NCAPD3: variants seen among roughly 807,000 people sequenced by gnomAD.
The protein encoded by NCAPD3 is non-SMC condensin II complex subunit D3.
NCAPD3 carries 105 observed loss-of-function variants against 182.9 expected under a neutral mutation model. The ratio of observed to expected loss-of-function variants is 0.57; its 90% CI spans 0.49 to 0.68. The LOEUF (loss-of-function observed/expected upper bound fraction) is 0.68. Among genes scored for constraint, NCAPD3 ranks in the 30% least tolerant of loss-of-function variants. The pLI, the probability that NCAPD3 is intolerant of heterozygous loss-of-function variation, is 0.00. For synonymous variants in NCAPD3, 815 were observed against 679.9 expected (o/e 1.20, Z -3.09); for missense variants, 1,944 against 1,837.0 (o/e 1.06, Z -1.07).
chr11:134,221,687 C>G (rs1938234077), intron 1 of NCAPD3, among the ~76,000 whole-genome samples: 1 of 152,186 alleles, frequency 6.6e-6, no homozygotes, highest in Non-Finnish European at 1.5e-5. Context: ...TTGTTCACCA[C>G]TGATTTAGAG....
chr11:134,184,848 C>CACACA (rs1944369620), intron 18 of NCAPD3, 55 bp downstream of exon 18: 4 of 1,341,938 alleles, frequency 3.0e-6, no homozygotes, highest in Non-Finnish European at 4.2e-6. Flanking sequence ...CACACACACA[C>CACACA]ACCTGAAATG....
intron 27 of NCAPD3, among the ~76,000 whole-genome samples, chr11:134,165,257 G>A (rs1384907233): frequency 1.3e-5 from 2 of 148,358 alleles, no homozygotes; most frequent in South Asian, 2.2e-4. Flanking sequence ...TGTGAGATAA[G>A]CTGAGGGGGA....
intron 3 of NCAPD3, 84 bp downstream of exon 3, chr11:134,216,852 A>C: frequency 7.1e-7 from 1 of 1,399,230 alleles, no homozygotes; most frequent in South Asian, 1.5e-5. Flanking sequence ...TAAGTGAAGA[A>C]ACAAGAAACA....
chr11:134,181,991 C>CT (rs1228460694), intron 19 of NCAPD3, among the ~76,000 whole-genome samples: 1 of 152,210 alleles, frequency 6.6e-6, no homozygotes, highest in African/African-American at 2.4e-5. Context: ...TGCTTTTAGT[C>CT]TGACTTGCCC....
chr11:134,196,060 G>C (rs114111400), intron 13 of NCAPD3, among the ~76,000 whole-genome samples: 1 of 152,122 alleles, frequency 6.6e-6, no homozygotes, highest in Non-Finnish European at 1.5e-5. Flanking sequence ...CTAAAAGTAG[G>C]TTCCTTGATA....
intron 1 of NCAPD3, chr11:134,223,071 T>C: frequency 3.8e-6 from 1 of 262,218 alleles, no homozygotes; most frequent in Non-Finnish European, 7.4e-6. Context: ...TCTTGGAAAA[T>C]CAAACTGGAG....
Position 134,204,785 on chromosome 11 carries a change from A to T in NCAPD3, c.1089+114T>A, listed in dbSNP as rs186249731. The T allele has an allele frequency of 6.4e-6, 5 of 779,570 alleles. No homozygotes were observed. Among genetic ancestry groups the T allele is most frequent in the Non-Finnish European group, 1.0e-5 (5 of 497,112 alleles). The allele number at this position is 779,570 out of a possible 1,614,324, so 48.3% of individuals were successfully genotyped here. A position where few individuals can be genotyped will look rare whatever the true frequency, so the allele number is the denominator to read the frequency against. On this transcript the variant is annotated intron_variant, in intron 9 of 34. Transcript: ENST00000534548. The surrounding 1 kb of genome is among the most constrained non-coding windows in gnomAD (Gnocchi z 4.3). ...AACATTAAATAAAACCACTTTAAGTAACAATGCACACTCATTCCCAAGAAC... is the reference window on the plus strand; with the variant it reads ...AACATTAAATAAAACCACTTTAAGTTACAATGCACACTCATTCCCAAGAAC...
intron 4 of NCAPD3, 92 bp from the exon 5 acceptor site, chr11:134,209,569 C>A: frequency 8.1e-7 from 1 of 1,239,630 alleles, no homozygotes; most frequent in Admixed American, 2.3e-5. Flanking sequence ...CCCAGATAAA[C>A]TCCAGGCAGG....
Position 134,203,141 on chromosome 11 carries a change from C to T in NCAPD3, c.1525+1G>A. The stretch of plus-strand genomic sequence containing the variant: ...TATTTGAAAATGTATTGATCCATTA[C>T]CTGATGAATTTCTCAGTAAGGTACC... On this transcript the variant is annotated splice_donor_variant, in intron 12 of 34. Coordinates refer to ENST00000534548, the MANE Select transcript of NCAPD3 (RefSeq NM_015261.3). LOFTEE classifies it high-confidence loss of function. 6.3e-7 allele frequency: 1 copy of T among 1,577,300 alleles called. No individual in the cohort carries two copies. The highest frequency in any genetic ancestry group is 1.7e-4 in the Middle Eastern group (1 of 5,992).
At chr11:134,189,045 C>A (rs749008503) in intron 16 of NCAPD3, among the ~76,000 whole-genome samples, 62 of 152,030 alleles carry the variant, frequency 4.1e-4, no homozygotes, top group Non-Finnish European at 6.0e-4. Context: ...GTGGCCCTGG[C>A]AAATTAATAC....
In NCAPD3 at chr11:134,190,631, C is replaced by T. The variant is rs192296066; in HGVS notation, c.2045+2058G>A. On this transcript the variant is annotated intron_variant, in intron 16 of 34. Transcript: ENST00000534548. ...CCTCCCAAGTAGCTGGGACTACAGG[C>T]GTGCGCCACCACAAATGGCTTTTTT... is the stretch of plus-strand genomic sequence containing the variant. Among the ~76,000 whole-genome samples the T allele has an allele frequency of 7.9e-5, 12 of 152,250 alleles. No homozygotes were observed. The East Asian group carries it at 1.4e-3, about 17-fold the overall frequency.
chr11:134,200,826 AAT>A (rs1387799895), intron 13 of NCAPD3, among the ~76,000 whole-genome samples: 1 of 152,174 alleles, frequency 6.6e-6, no homozygotes, highest in African/African-American at 2.4e-5. Flanking sequence ...AAACAACCCA[AAT>A]GTTCATCAAC....
At chr11:134,193,115 A>AGTG (rs1944558301) in intron 15 of NCAPD3, among the ~76,000 whole-genome samples, 1 of 152,272 alleles carries the variant, frequency 6.6e-6, no homozygotes, top group Non-Finnish European at 1.5e-5. Flanking sequence ...CATACATTAA[A>AGTG]GTCACTATTT....
rs1172386446 is a variant in NCAPD3, at chr11:134,210,361, C to T, written c.476G>A (p.Arg159Gln). 1.5e-5 allele frequency: 24 copies of T among 1,613,948 alleles called. No homozygotes were observed. Among genetic ancestry groups the T allele is most frequent in the African/African-American group, 2.7e-5 (2 of 74,894 alleles). Residue 159 changes from arginine (R) to glutamine (Q), a missense_variant, in exon 4 of 35, where the codon CGG (arginine) becomes CAG (glutamine). Coordinates refer to ENST00000534548, the MANE Select transcript of NCAPD3 (RefSeq NM_015261.3). ...KSWPQESNLN[R>Q]KRKKEQPKSS... ...CTTAGGCTGTTCTTTCTTTCTTTTC[C>T]GATTCAAGTTAGATTCCTGGGGCCA...
chr11:134,206,805 T>A, intron 7 of NCAPD3, 73 bp from the exon 8 acceptor site: 1 of 1,477,944 alleles, frequency 6.8e-7, no homozygotes, highest in Non-Finnish European at 9.1e-7. Context: ...TGATGCAGAC[T>A]GTAGTAAACC....
chr11:134,153,081 G>A, intron 34 of NCAPD3, 29 bp from the exon 35 acceptor site: 1 of 1,611,860 alleles, frequency 6.2e-7, no homozygotes, highest in Non-Finnish European at 8.5e-7. Flanking sequence ...CAGTCATTCT[G>A]GAACTCAGAA....
intron 20 of NCAPD3, among the ~76,000 whole-genome samples, chr11:134,179,810 T>C (rs1393208587): frequency 1.3e-5 from 2 of 152,178 alleles, no homozygotes; most frequent in African/African-American, 4.8e-5. Context: ...TGATGCTGAA[T>C]AGTAAAATGT....
intron 24 of NCAPD3, among the ~76,000 whole-genome samples, chr11:134,171,377 G>A (rs1944002839): frequency 6.6e-6 from 1 of 152,132 alleles, no homozygotes; most frequent in Admixed American, 6.5e-5. Context: ...AGGCCACAAG[G>A]TAAGAGCCAT....
At chr11:134,167,503 C>CACTA (rs1943877080) in intron 27 of NCAPD3, among the ~76,000 whole-genome samples, 1 of 133,172 alleles carries the variant, frequency 7.5e-6, no homozygotes, top group Non-Finnish European at 1.6e-5. Flanking sequence ...GGCGCACACT[C>CACTA]GTGAGATGAG....
Sources: allele counts gnomAD v4.1 joint callset (sites outside exome capture counted in the v4.1 genomes callset), GRCh38; gene constraint gnomAD v4.1.1; non-coding constraint Gnocchi (gnomAD v3.1); transcripts MANE v1.5; gene names NCBI Gene and HGNC (gene_info 2026-07-23, HGNC 2026-07-21).